Variants in HPCAL1 observed in about 807,000 individuals in gnomAD.
HPCAL1 encodes the protein hippocalcin like 1.
Under a neutral mutation model 17.1 loss-of-function variants are expected in HPCAL1, and 8 were observed. That is an observed-to-expected ratio of 0.47 (90% CI 0.27 to 0.84). The LOEUF (loss-of-function observed/expected upper bound fraction) is 0.84. Ranked by LOEUF, HPCAL1 falls within the 40% of genes least tolerant of loss-of-function variation. The pLI is 0.13. For missense variants in HPCAL1, 165 were observed against 271.1 expected (o/e 0.61, Z 2.75); for synonymous variants, 112 against 111.4 (o/e 1.01, Z -0.03).
chr2:10,422,736 A>G (rs557712558), intron 3 of HPCAL1, among the ~76,000 whole-genome samples: 5 of 152,190 alleles, frequency 3.3e-5, no homozygotes, highest in South Asian at 4.2e-4. Flanking sequence ...ACCCACCCCC[A>G]GGCAGAGATA....
chr2:10,324,762 GGTT>G (rs941306348), intron 1 of HPCAL1, among the ~76,000 whole-genome samples: 89 of 147,858 alleles, frequency 6.0e-4, no homozygotes, highest in African/African-American at 2.2e-3. Flanking sequence ...TTGGGGGTGG[GGTT>G]GTTATTGGTT....
intron 1 of HPCAL1, among the ~76,000 whole-genome samples, chr2:10,378,223 GTT>G (rs58697364): frequency 0.13 from 12,519 of 96,030 alleles, 692 homozygotes; most frequent in Middle Eastern, 0.24. Flanking sequence ...GTGGTTTCAT[GTT>G]TTTTTTTTTT....
intron 2 of HPCAL1, among the ~76,000 whole-genome samples, chr2:10,415,645 C>T (rs1183560407): frequency 1.3e-5 from 2 of 151,768 alleles, no homozygotes; most frequent in Non-Finnish European, 2.9e-5. Flanking sequence ...GAAGGAGCCA[C>T]ATGCGGTTTG....
chr2:10,358,808 C>T (rs559097497), intron 1 of HPCAL1, among the ~76,000 whole-genome samples: 54 of 152,224 alleles, frequency 3.5e-4, no homozygotes, highest in Middle Eastern at 3.4e-3. Flanking sequence ...TCCAAGCCCA[C>T]GTGTGATCTT....
At chr2:10,407,788 G>T (rs985930480) in intron 2 of HPCAL1, among the ~76,000 whole-genome samples, 3 of 152,228 alleles carry the variant, frequency 2.0e-5, no homozygotes, top group African/African-American at 7.2e-5. Context: ...GGAACACGCT[G>T]AGCAGCTTCT....
chr2:10,309,291 C>T (rs1662812054), intron 1 of HPCAL1, among the ~76,000 whole-genome samples: 2 of 152,138 alleles, frequency 1.3e-5, no homozygotes, highest in South Asian at 4.1e-4. Context: ...GCCTTGGCCT[C>T]TCAAAGTGCT....
chr2:10,393,762 G>A (rs1006836358), intron 1 of HPCAL1, among the ~76,000 whole-genome samples: 2 of 152,160 alleles, frequency 1.3e-5, no homozygotes, highest in African/African-American at 4.8e-5. Flanking sequence ...CTGGGGGCAT[G>A]CAGAGGCCCC....
At chr2:10,333,253 C>T (rs973672187) in intron 1 of HPCAL1, among the ~76,000 whole-genome samples, 4 of 152,186 alleles carry the variant, frequency 2.6e-5, no homozygotes, top group African/African-American at 9.7e-5. Flanking sequence ...TACCAAGGAG[C>T]GTGAATCAGG....
intron 1 of HPCAL1, among the ~76,000 whole-genome samples, chr2:10,334,695 C>CTTTTTTTTTTTTTTTTTTTT (rs553228833): frequency 2.1e-5 from 3 of 146,330 alleles, no homozygotes; most frequent in East Asian, 1.9e-4. Context: ...ATTCCATTGA[C>CTTTTTTTTTTTTTTTTTTTT]TTTTTTTTGA....
At position 10,312,894 on chromosome 2, in the gene HPCAL1, A is replaced by G. The variant is rs369323766; in HGVS notation, c.-111+9717A>G. On this transcript the variant is annotated intron_variant, in intron 1 of 4. Coordinates refer to ENST00000307845, the MANE Select transcript of HPCAL1 (RefSeq NM_002149.4). The stretch of plus-strand genomic sequence containing the variant: ...CACCACCACCATCACCATCACTATC[A>G]TCGTCATCATCATCACTGTCACCAC... 2.0e-3 allele frequency among the ~76,000 whole-genome samples: 309 copies of G among 152,206 alleles called. 5 individuals are homozygous for G. The South Asian group carries it at 0.022, about 11-fold the overall frequency.
At chr2:10,353,473 A>G (rs1665950233) in intron 1 of HPCAL1, among the ~76,000 whole-genome samples, 1 of 152,212 alleles carries the variant, frequency 6.6e-6, no homozygotes, top group Admixed American at 6.5e-5. Flanking sequence ...GTTCAGGGCC[A>G]GTGGCCCCTG....
intron 2 of HPCAL1, among the ~76,000 whole-genome samples, chr2:10,409,024 A>T (rs1257500573): frequency 6.6e-6 from 1 of 152,260 alleles, no homozygotes; most frequent in Admixed American, 6.5e-5. Flanking sequence ...CCCAAATGGT[A>T]TCATTTACCA....
intron 1 of HPCAL1, among the ~76,000 whole-genome samples, chr2:10,355,417 C>A (rs1666086785): frequency 7.7e-6 from 1 of 129,236 alleles, no homozygotes; most frequent in Non-Finnish European, 1.6e-5. Flanking sequence ...CGCCACTGCA[C>A]TCCAGCCTGG....
chr2:10,403,486 G>A (rs1195215338), intron 2 of HPCAL1, among the ~76,000 whole-genome samples: 1 of 149,738 alleles, frequency 6.7e-6, no homozygotes, highest in African/African-American at 2.5e-5. Flanking sequence ...GTGTGTGTGT[G>A]TGTGTGTGTG....
chr2:10,371,234 G>A (rs756990153), intron 1 of HPCAL1, among the ~76,000 whole-genome samples: 21 of 152,182 alleles, frequency 1.4e-4, no homozygotes, highest in Non-Finnish European at 2.1e-4. Flanking sequence ...GGTTGGAGGG[G>A]AATGCCAGTG....
intron 2 of HPCAL1, among the ~76,000 whole-genome samples, chr2:10,401,785 C>T (rs1470315975): frequency 6.6e-6 from 1 of 152,206 alleles, no homozygotes; most frequent in East Asian, 1.9e-4. Flanking sequence ...AACTGGGGCC[C>T]AGCTGGGAAG....
chr2:10,306,605 G>A (rs562352120), intron 1 of HPCAL1, among the ~76,000 whole-genome samples: 3 of 152,088 alleles, frequency 2.0e-5, no homozygotes, highest in South Asian at 2.1e-4. Context: ...GTTACCCTAC[G>A]GAAAAAAGGT....
At chr2:10,307,670 C>G (rs1358782426) in intron 1 of HPCAL1, among the ~76,000 whole-genome samples, 2 of 152,222 alleles carry the variant, frequency 1.3e-5, no homozygotes, top group South Asian at 2.1e-4. Flanking sequence ...TCTGTCTTCA[C>G]TTGAAATCTC....
chr2:10,412,866 G>A (rs1004522693), intron 2 of HPCAL1, among the ~76,000 whole-genome samples: 6 of 152,078 alleles, frequency 3.9e-5, no homozygotes, highest in Admixed American at 1.3e-4. Context: ...ATATGTGTTG[G>A]GGCTTGTGGA....
Sources: allele counts gnomAD v4.1 joint callset (sites outside exome capture counted in the v4.1 genomes callset), GRCh38; gene constraint gnomAD v4.1.1; transcripts MANE v1.5; gene names NCBI Gene and HGNC (gene_info 2026-07-23, HGNC 2026-07-21).